Variants in ERBIN observed in about 807,000 individuals in gnomAD.
ERBIN encodes erbb2 interacting protein.
In ERBIN, 60 loss-of-function variants were observed where a neutral mutation model predicts 158.4. The observed-to-expected ratio is 0.38, with a 90% confidence interval of 0.31 to 0.47. The LOEUF (loss-of-function observed/expected upper bound fraction) is 0.47, where lower values mean the gene tolerates loss of function less well. Ranked by LOEUF, ERBIN falls within the 20% of genes least tolerant of loss-of-function variation. The pLI is 0.99. For missense variants in ERBIN, 1,610 were observed against 1,648.0 expected (o/e 0.98, Z 0.40); for synonymous variants, 594 against 557.2 (o/e 1.07, Z -0.93).
intron 1 of ERBIN, among the ~76,000 whole-genome samples, chr5:65,948,762 GTTT>G: frequency 9.5e-6 from 1 of 105,616 alleles, no homozygotes; most frequent in African/African-American, 3.7e-5. Context: ...TCTGTTTTGC[GTTT>G]TTTTTTTTTT....
intron 1 of ERBIN, among the ~76,000 whole-genome samples, chr5:65,965,382 G>GTTTTGTT (rs1748464142): frequency 1.0e-5 from 1 of 96,072 alleles, no homozygotes; most frequent in African/African-American, 4.1e-5. Flanking sequence ...GTTTTTTGTT[G>GTTTTGTT]TTTTTTTTTT....
chr5:66,018,499 A>ATAT (rs1755139489), intron 7 of ERBIN, among the ~76,000 whole-genome samples: 1 of 6,452 alleles, frequency 1.5e-4, no homozygotes, highest in East Asian at 2.7e-3. Flanking sequence ...ATATTATATA[A>ATAT]TATATATTAT....
rs564129278 is a variant in ERBIN at position 65,977,296 on chromosome 5, T to C, written c.-57-11339T>C. Among the ~76,000 whole-genome samples, 508 of 149,944 alleles carry C rather than the reference T, an allele frequency of 3.4e-3. 3 individuals are homozygous for C. The highest frequency in any genetic ancestry group is 5.5e-3 in the Non-Finnish European group (371 of 67,436). On this transcript the variant is annotated intron_variant, in intron 1 of 25. Transcript: ENST00000284037. The stretch of plus-strand genomic sequence containing the variant: ...TGGGGCGGCTGGCCGGGCGGGGGGC[T>C]GACCCCCCCACCTCCCTCCCGGACG...
intron 1 of ERBIN, among the ~76,000 whole-genome samples, chr5:65,948,330 A>G (rs2150912264): frequency 6.6e-6 from 1 of 151,688 alleles, no homozygotes; most frequent in Non-Finnish European, 1.5e-5. Flanking sequence ...GCGGGCTACA[A>G]TGACTGGCTA....
intron 14 of ERBIN, among the ~76,000 whole-genome samples, chr5:66,030,562 C>CT (rs766454675): frequency 0.036 from 4,650 of 128,314 alleles, 180 homozygotes; most frequent in African/African-American, 0.082. Context: ...ACAGTAGCAC[C>CT]TTTTTTTTTT....
chr5:65,968,862 A>G (rs552671423), intron 1 of ERBIN, among the ~76,000 whole-genome samples: 47 of 152,292 alleles, frequency 3.1e-4, no homozygotes, highest in African/African-American at 1.1e-3. Flanking sequence ...CGCCTGGCCT[A>G]TTGCTTTTAT....
intron 1 of ERBIN, among the ~76,000 whole-genome samples, chr5:65,978,050 A>G (rs993326978): frequency 7.2e-5 from 11 of 152,228 alleles, no homozygotes; most frequent in African/African-American, 2.2e-4. Context: ...ATATTAAGCA[A>G]CAGCTTTGTG....
At position 66,014,743 on chromosome 5, in the gene ERBIN, T is replaced by G; in HGVS notation, c.533+18T>G. 1 of 1,279,884 alleles carries G rather than the reference T, an allele frequency of 7.8e-7. No homozygotes were observed. The allele number at this position is 1,279,884 out of a possible 1,614,324, so 79.3% of individuals were successfully genotyped here. A position where few individuals can be genotyped will look rare whatever the true frequency, so the allele number is the denominator to read the frequency against. On this transcript the variant is annotated intron_variant, in intron 7 of 25. Transcript: ENST00000284037. ...TTGCCTAAGTAAGTAAAGGTGCTAT[T>G]CTTTAAAAAACTTAATTTATAATTT...
At chr5:66,006,850 A>G (rs1042672582) in intron 4 of ERBIN, among the ~76,000 whole-genome samples, 3 of 152,036 alleles carry the variant, frequency 2.0e-5, no homozygotes, top group Non-Finnish European at 4.4e-5. Flanking sequence ...ATACCATCTC[A>G]CACCAGTTAG....
At chr5:66,057,221 T>C (rs1335357570) in intron 21 of ERBIN, among the ~76,000 whole-genome samples, 1 of 152,210 alleles carries the variant, frequency 6.6e-6, no homozygotes, top group Non-Finnish European at 1.5e-5. Flanking sequence ...TTGACTTTCC[T>C]TACCTTGGTG....
At chr5:65,942,163 CTT>C (rs1745135237) in intron 1 of ERBIN, among the ~76,000 whole-genome samples, 1 of 152,166 alleles carries the variant, frequency 6.6e-6, no homozygotes, top group Non-Finnish European at 1.5e-5. Flanking sequence ...AGTACCACCT[CTT>C]TTTTCTTTTT....
intron 6 of ERBIN, 56 bp from the exon 7 acceptor site, chr5:66,014,613 A>G: frequency 1.2e-6 from 1 of 836,650 alleles, no homozygotes; most frequent in Non-Finnish European, 1.9e-6. Context: ...TATGAAATTA[A>G]TTTATTAAAT....
intron 16 of ERBIN, 122 bp downstream of exon 16, chr5:66,043,320 C>A: frequency 3.2e-6 from 3 of 931,596 alleles, no homozygotes; most frequent in African/African-American, 1.7e-5. Context: ...GTCCTCAAGG[C>A]ACTTGAAGTG....
At chr5:66,065,310 C>G (rs1169098533) in intron 21 of ERBIN, among the ~76,000 whole-genome samples, 1 of 152,072 alleles carries the variant, frequency 6.6e-6, no homozygotes, top group Non-Finnish European at 1.5e-5. Context: ...GATTGCTAGA[C>G]ATACTTATTA....
intron 4 of ERBIN, among the ~76,000 whole-genome samples, chr5:66,005,645 A>C (rs1753504896): frequency 6.6e-6 from 1 of 152,208 alleles, no homozygotes; most frequent in South Asian, 2.1e-4. Context: ...TATATCTGGA[A>C]GACCCCATCG....
chr5:66,066,628 G>A (rs1757302120), intron 21 of ERBIN, among the ~76,000 whole-genome samples: 1 of 152,014 alleles, frequency 6.6e-6, no homozygotes, highest in South Asian at 2.1e-4. Flanking sequence ...AATTTGAAAA[G>A]GAATAAGAAC....
Position 66,071,722 on chromosome 5 carries a change from A to ATTTTT in ERBIN, c.3634-432_3634-428dup, listed in dbSNP as rs372294339. ...TGTTCTATTGAAAGAACAGCAGTTAATTTTTTTTTTTTTTTTTTTACCAAA... is the reference window on the plus strand; with the variant it reads ...TGTTCTATTGAAAGAACAGCAGTTAATTTTTTTTTTTTTTTTTTTTTTTTACCAAA... On this transcript the variant is annotated intron_variant, in intron 21 of 25. Transcript: ENST00000284037. 6.9e-3 allele frequency among the ~76,000 whole-genome samples: 923 copies of ATTTTT among 133,350 alleles called. 17 individuals carry two copies. The highest frequency in any genetic ancestry group is 0.024 in the African/African-American group (884 of 36,574). 87.5% of individuals were successfully genotyped at this position (133,350 alleles called of 152,430 possible).
rs748076428 is a variant in ERBIN at position 66,053,580 on chromosome 5, T to C, written c.2262T>C (p.Ala754=). 5.6e-6 allele frequency: 9 copies of C among 1,611,012 alleles called. No individual in the cohort carries two copies. The highest frequency in any genetic ancestry group is 7.6e-6 in the Non-Finnish European group (9 of 1,179,182). Residue 754 remains alanine, a synonymous_variant, in exon 21 of 26, where the codon GCT becomes GCC. Coordinates refer to ENST00000284037, the MANE Select transcript of ERBIN (RefSeq NM_001253697.2). The stretch of plus-strand genomic sequence containing the variant: ...AAAGTGTTGACTCAACAGCCACAGC[T>C]GATGACACTCACAAATTAGATCATA... The part of the protein sequence containing the change: ...IEKSVDSTAT[A]DDTHKLDHIN...
chr5:66,048,836 A>T lies in ERBIN; in HGVS notation c.1903+55A>T, dbSNP rs151116369. On this transcript the variant is annotated intron_variant, in intron 19 of 25. Transcript: ENST00000284037. ...AGAAATTGCCTCAATAAATTTATAA[A>T]TTTTTTTGAAATAAATTTCATTGAA... is the stretch of plus-strand genomic sequence containing the variant. 3 of 1,065,364 alleles carry T rather than the reference A, an allele frequency of 2.8e-6. No homozygotes were observed. The East Asian group carries it at 8.4e-5, about 30-fold the overall frequency. The allele number at this position is 1,065,364 out of a possible 1,614,324, so 66.0% of individuals were successfully genotyped here.
Sources: allele counts gnomAD v4.1 joint callset (sites outside exome capture counted in the v4.1 genomes callset), GRCh38; gene constraint gnomAD v4.1.1; transcripts MANE v1.5; gene names NCBI Gene and HGNC (gene_info 2026-07-23, HGNC 2026-07-21).